Variants in MYO10 observed in about 807,000 individuals in gnomAD.
MYO10 encodes the protein myosin X.
A neutral mutation model predicts 257.3 loss-of-function variants in MYO10; 133 were observed. The ratio of observed to expected loss-of-function variants is 0.52; its 90% CI spans 0.45 to 0.60. The LOEUF is 0.60. Among genes scored for constraint, MYO10 ranks in the 20% least tolerant of loss-of-function variants. MYO10 has a pLI of 0.00. For synonymous variants in MYO10, 1,104 were observed against 1,028.6 expected, an observed-to-expected ratio of 1.07 and a Z score of -1.40; for missense variants, 2,399 against 2,635.7, an observed-to-expected ratio of 0.91 and a Z score of 1.97.
chr5:16,664,053 CTT>C lies in MYO10; in HGVS notation c.*2637_*2638del, dbSNP rs1392206265. 1 of 152,160 alleles carries C rather than the reference CTT, an allele frequency of 6.6e-6. No individual in the cohort carries two copies. Among genetic ancestry groups the C allele is most frequent in the Non-Finnish European group, 1.5e-5 (1 of 68,028 alleles). 9.4% of individuals were successfully genotyped at this position (152,160 alleles called of 1,614,324 possible). A position where few individuals can be genotyped will look rare whatever the true frequency, so the allele number is the denominator to read the frequency against. On this transcript the variant is annotated 3_prime_UTR_variant, in exon 41 of 41. Transcript: ENST00000513610. ...TGTGGCTAGGGGAAGCTCAACGGTA[CTT>C]TGTCAGCTGTGATGCTGCTCTACAG... is the stretch of plus-strand genomic sequence containing the variant.
chr5:16,753,751 G>A (rs1296044296), intron 19 of MYO10, among the ~76,000 whole-genome samples: 2 of 152,058 alleles, frequency 1.3e-5, no homozygotes, highest in East Asian at 3.9e-4. Context: ...GATTACAGGC[G>A]TGAGCCACCA....
At chr5:16,729,576 C>T (rs867355651) in intron 19 of MYO10, among the ~76,000 whole-genome samples, 1 of 151,848 alleles carries the variant, frequency 6.6e-6, no homozygotes, top group Non-Finnish European at 1.5e-5. Flanking sequence ...CTCAGCCTCC[C>T]GGGTAGCTGG....
intron 10 of MYO10, among the ~76,000 whole-genome samples, chr5:16,767,121 G>A (rs186533436): frequency 6.6e-6 from 1 of 150,584 alleles, no homozygotes; most frequent in Admixed American, 6.6e-5. Context: ...TACACATGAG[G>A]TACCTCAACA....
Position 16,792,122 on chromosome 5 carries a change from CACACACACACAG to C in MYO10, c.467+2512_467+2523del, listed in dbSNP as rs1307796978. Among the ~76,000 whole-genome samples, 755 of 121,886 alleles carry C rather than the reference CACACACACACAG, an allele frequency of 6.2e-3. 5 individuals carry two copies. Among genetic ancestry groups the C allele is most frequent in the African/African-American group, 0.019 (703 of 36,532 alleles). The allele number at this position is 121,886 out of a possible 152,430, so 80.0% of individuals were successfully genotyped here. A position where few individuals can be genotyped will look rare whatever the true frequency, so the allele number is the denominator to read the frequency against. ...ACACACACATACATACACACACACA[CACACACACACAG>C]AGAGAGAGAGAGAGAGAGAGAGAGA... On this transcript the variant is annotated intron_variant, in intron 4 of 40. Coordinates refer to ENST00000513610, the MANE Select transcript of MYO10 (RefSeq NM_012334.3).
intron 19 of MYO10, among the ~76,000 whole-genome samples, chr5:16,719,490 C>T (rs1449025434): frequency 6.6e-6 from 1 of 152,190 alleles, no homozygotes; most frequent in Non-Finnish European, 1.5e-5. Context: ...GCTTTAATAA[C>T]AAATATCAAA....
rs60949830 is a variant in MYO10 at position 16,923,663 on chromosome 5, TACACACACAC to T, written c.21+12115_21+12124del. Among the ~76,000 whole-genome samples the T allele has an allele frequency of 4.3e-3, 603 of 140,728 alleles. 1 individual carries two copies. Among genetic ancestry groups the T allele is most frequent in the African/African-American group, 5.2e-3 (199 of 38,004 alleles). 92.3% of individuals were successfully genotyped at this position (140,728 alleles called of 152,430 possible). On this transcript the variant is annotated intron_variant, in intron 1 of 40. Transcript: ENST00000513610. ...AAATAATAAGCCTTAAACACGCCCA[TACACACACAC>T]ACACACACACACACACACACACTCC...
chr5:16,827,481 T>G (rs1199411614), intron 2 of MYO10, among the ~76,000 whole-genome samples: 1 of 152,116 alleles, frequency 6.6e-6, no homozygotes, highest in African/African-American at 2.4e-5. Flanking sequence ...GAGATGCGGT[T>G]TCACCATGAT....
At chr5:16,682,363 T>C (rs1172112420) in intron 30 of MYO10, among the ~76,000 whole-genome samples, 1 of 152,152 alleles carries the variant, frequency 6.6e-6, no homozygotes, top group East Asian at 1.9e-4. Context: ...TCTTCCTGCC[T>C]TGGGTAATAT....
chr5:16,790,974 C>T (rs4702173), intron 4 of MYO10, among the ~76,000 whole-genome samples: 20,285 of 151,186 alleles, frequency 0.13, 1,541 homozygotes, highest in South Asian at 0.27. Flanking sequence ...TAAATGTACA[C>T]AAAAATGGCA....
intron 3 of MYO10, among the ~76,000 whole-genome samples, chr5:16,809,626 A>C (rs1379918155): frequency 6.6e-6 from 1 of 152,232 alleles, no homozygotes; most frequent in African/African-American, 2.4e-5. Context: ...AAGCAACATC[A>C]AACACATTTG....
intron 1 of MYO10, among the ~76,000 whole-genome samples, chr5:16,926,807 C>T (rs1036527549): frequency 1.3e-5 from 2 of 151,608 alleles, no homozygotes; most frequent in African/African-American, 4.8e-5. Context: ...ACTCTAACCA[C>T]ATAACAAGTG....
chr5:16,693,883 C>T (rs182970349), intron 27 of MYO10, among the ~76,000 whole-genome samples: 11 of 152,320 alleles, frequency 7.2e-5, no homozygotes, highest in Admixed American at 7.2e-4. Context: ...CAGCCCTGTT[C>T]CTCTCACTGC....
chr5:16,829,339 C>CT (rs1561006880), intron 2 of MYO10, among the ~76,000 whole-genome samples: 1 of 152,124 alleles, frequency 6.6e-6, no homozygotes, highest in African/African-American at 2.4e-5. Flanking sequence ...ATGGGCAACA[C>CT]TAACATCAAA....
At position 16,701,118 on chromosome 5, in the gene MYO10, G is replaced by GGTCGTA. The variant is rs763541268; in HGVS notation, c.3271_3276dup (p.Tyr1091_Asp1092dup). ...ATGGCACCGTCCTCATAGTCATCCTGGTCGTAGTCGTAGTCGCCGTCTGGG... is the reference window on the plus strand; with the variant it reads ...ATGGCACCGTCCTCATAGTCATCCTGGTCGTAGTCGTAGTCGTAGTCGCCGTCTGGG... On this transcript the variant is annotated inframe_insertion, in exon 25 of 41. Transcript: ENST00000513610. This position sits in a 1 kb window ranked among gnomAD's most constrained non-coding sequence, Gnocchi z 8.1. The GGTCGTA allele has an allele frequency of 6.9e-6, 11 of 1,594,270 alleles. No homozygotes were observed. The highest frequency in any genetic ancestry group is 5.3e-5 in the Admixed American group (3 of 56,576).
At chr5:16,832,966 T>C (rs961724038) in intron 2 of MYO10, among the ~76,000 whole-genome samples, 1 of 151,992 alleles carries the variant, frequency 6.6e-6, no homozygotes, top group Non-Finnish European at 1.5e-5. Flanking sequence ...GATCAGATAA[T>C]AACACAATCT....
Position 16,701,798 on chromosome 5 carries a change from T to C in MYO10, c.2597A>G (p.Gln866Arg). 6.2e-7 allele frequency: 1 copy of C among 1,611,390 alleles called. No homozygotes were observed. The highest frequency in any genetic ancestry group is 8.5e-7 in the Non-Finnish European group (1 of 1,179,244). ...TRKQQELEAL[Q>R]KSQKEAELTR... ...CAGTTCAGCTTCCTTCTGGCTCTTC[T>C]GCAAGGCTTCGAGTTCTTGCTGCTT... The change falls in exon 25 of 41, where the codon CAG becomes CGG. Residue 866 changes from glutamine to arginine, a missense_variant. This residue lies in a region of MYO10 where 1,820 missense variants were observed against 1,939.4 expected (regional missense o/e 0.94). Transcript: ENST00000513610. The surrounding 1 kb of genome is among the most constrained non-coding windows in gnomAD (Gnocchi z 8.1).
At chr5:16,735,874 G>A (rs1447821798) in intron 19 of MYO10, among the ~76,000 whole-genome samples, 2 of 152,068 alleles carry the variant, frequency 1.3e-5, no homozygotes, top group Non-Finnish European at 2.9e-5. Context: ...GACATGAGCT[G>A]CTCATCTCTT....
At chr5:16,703,675 A>T (rs755467760) in intron 22 of MYO10, among the ~76,000 whole-genome samples, 1 of 152,028 alleles carries the variant, frequency 6.6e-6, no homozygotes, top group Non-Finnish European at 1.5e-5. Flanking sequence ...GAAGGTCAAG[A>T]GATCGAGACC....
intron 26 of MYO10, among the ~76,000 whole-genome samples, chr5:16,695,586 G>A (rs1209075884): frequency 2.7e-5 from 4 of 150,834 alleles, no homozygotes; most frequent in Non-Finnish European, 2.9e-5. Flanking sequence ...TAAATATACA[G>A]ATGTTATCTT....
Sources: gnomAD v4.1 joint callset for allele counts (sites outside exome capture counted in the v4.1 genomes callset) on GRCh38, gnomAD v4.1.1 for gene constraint, gnomAD v4.1.1 regional missense constraint, Gnocchi (gnomAD v3.1) non-coding constraint, MANE v1.5 for transcripts, NCBI Gene and HGNC (gene_info 2026-07-23, HGNC 2026-07-21) for gene names.